Variants in LRRFIP2 observed in about 807,000 individuals in gnomAD.
LRRFIP2 encodes the protein LRR binding FLII interacting protein 2, also known as leucine-rich repeat flightless-interacting protein 2.
LRRFIP2 carries 109 observed loss-of-function variants against 125.9 expected under a neutral mutation model. That is an observed-to-expected ratio of 0.87 (90% confidence interval 0.74 to 1.01). The LOEUF (loss-of-function observed/expected upper bound fraction) is 1.01. Ranked by LOEUF, LRRFIP2 falls within the 50% of genes least tolerant of loss-of-function variation. The pLI is 0.00. For missense variants in LRRFIP2, 850 were observed against 862.3 expected, an observed-to-expected ratio of 0.99 and a Z score of 0.18; for synonymous variants, 291 against 293.1, an observed-to-expected ratio of 0.99 and a Z score of 0.07.
chr3:37,115,912 T>A (rs932566239), intron 6 of LRRFIP2, among the ~76,000 whole-genome samples: 1 of 152,196 alleles, frequency 6.6e-6, no homozygotes, highest in Non-Finnish European at 1.5e-5. Context: ...TTTTAAGCTG[T>A]CTACCCAGAA....
chr3:37,140,452 A>T (rs1027873289), intron 2 of LRRFIP2: 4 of 152,116 alleles, frequency 2.6e-5, no homozygotes, highest in African/African-American at 9.7e-5. Context: ...GTATTTATTT[A>T]TTGAGGCCGG....
chr3:37,066,470 A>G (rs1192951676), intron 21 of LRRFIP2, 145 bp from the exon 22 acceptor site: 1 of 669,602 alleles, frequency 1.5e-6, no homozygotes, highest in Non-Finnish European at 2.7e-6. Context: ...AAACAGTCAG[A>G]TATGGGAGGA....
At chr3:37,082,890 CAAT>C (rs1382222660) in intron 19 of LRRFIP2, among the ~76,000 whole-genome samples, 3 of 151,778 alleles carry the variant, frequency 2.0e-5, no homozygotes, top group Admixed American at 6.6e-5. Context: ...CTGTTTCTAA[CAAT>C]TTATCAATAT....
chr3:37,080,314 T>G (rs932552732), intron 19 of LRRFIP2, among the ~76,000 whole-genome samples: 4 of 151,940 alleles, frequency 2.6e-5, no homozygotes, highest in African/African-American at 9.7e-5. Flanking sequence ...GAGAATCACT[T>G]GAACCCGGGA....
At chr3:37,093,016 T>G (rs2093541049) in intron 17 of LRRFIP2, 1 of 152,272 alleles carries the variant, frequency 6.6e-6, no homozygotes, top group African/African-American at 2.4e-5. Context: ...TTTTTTGTAT[T>G]TTTAGTAGAG....
rs572096556 is a variant in LRRFIP2 at position 37,121,705 on chromosome 3, A to T, written c.229-14T>A. 1 of 1,613,362 alleles carries T rather than the reference A, an allele frequency of 6.2e-7. No homozygotes were observed. The highest frequency in any genetic ancestry group is 8.5e-7 in the Non-Finnish European group (1 of 1,179,372). ...TTCCGAATCTTCCTGGGAAAGGAGA[A>T]AGTACATGGAGAGTTAATCACTGAA... is the stretch of plus-strand genomic sequence containing the variant. On this transcript the variant is annotated splice_polypyrimidine_tract_variant and intron_variant, in intron 4 of 27. Transcript: ENST00000336686.
At chr3:37,139,069 T>C (rs546833895) in intron 2 of LRRFIP2, among the ~76,000 whole-genome samples, 2 of 152,210 alleles carry the variant, frequency 1.3e-5, no homozygotes, top group Non-Finnish European at 1.5e-5. Flanking sequence ...GTGGATACAC[T>C]AGACAAAGGG....
intron 23 of LRRFIP2, 79 bp from the exon 24 acceptor site, chr3:37,063,870 A>T: frequency 1.0e-6 from 1 of 953,730 alleles, no homozygotes. Context: ...TCAAACTCAT[A>T]AACAGCTAAT....
chr3:37,140,982 G>A (rs1337552686), intron 2 of LRRFIP2, among the ~76,000 whole-genome samples: 2 of 151,796 alleles, frequency 1.3e-5, no homozygotes, highest in African/African-American at 2.4e-5. Context: ...CAACAGCTTC[G>A]TGACCAGCCT....
chr3:37,142,991 T>C (rs1275403783), intron 2 of LRRFIP2, among the ~76,000 whole-genome samples: 1 of 152,112 alleles, frequency 6.6e-6, no homozygotes. Context: ...CGTGGTGCTT[T>C]CAACACAACA....
intron 1 of LRRFIP2, among the ~76,000 whole-genome samples, chr3:37,152,995 T>A (rs1218857304): frequency 2.6e-5 from 4 of 152,196 alleles, no homozygotes; most frequent in African/African-American, 9.7e-5. Flanking sequence ...AAAATAGATT[T>A]GGCTGGAAGT....
intron 18 of LRRFIP2, among the ~76,000 whole-genome samples, chr3:37,090,079 G>A (rs1487588137): frequency 6.6e-6 from 1 of 152,100 alleles, no homozygotes; most frequent in African/African-American, 2.4e-5. Flanking sequence ...TGATAGTGGC[G>A]CTACTTCAAA....
chr3:37,113,881 T>A lies in LRRFIP2; in HGVS notation c.373-901A>T, dbSNP rs138879129. Among the ~76,000 whole-genome samples the A allele has an allele frequency of 3.0e-3, 461 of 152,276 alleles. 3 individuals are homozygous for A. The highest frequency in any genetic ancestry group is 0.011 in the African/African-American group (438 of 41,550). On this transcript the variant is annotated intron_variant, in intron 7 of 27. Transcript: ENST00000336686. ...GATTGTCTCAATACCTAACTTTTCC[T>A]AGGAGTACACAGCCAAGTACATATG...
At chr3:37,115,957 G>T (rs1223247591) in intron 6 of LRRFIP2, among the ~76,000 whole-genome samples, 2 of 152,086 alleles carry the variant, frequency 1.3e-5, no homozygotes, top group Admixed American at 1.3e-4. Flanking sequence ...CAATGAACAA[G>T]TTCCTCAGGT....
intron 18 of LRRFIP2, among the ~76,000 whole-genome samples, chr3:37,085,905 A>G (rs2093013206): frequency 6.6e-6 from 1 of 152,168 alleles, no homozygotes; most frequent in African/African-American, 2.4e-5. Context: ...TTTATGCTGC[A>G]AATGATATGA....
intron 15 of LRRFIP2, among the ~76,000 whole-genome samples, chr3:37,100,317 CCTGT>C (rs773416346): frequency 6.8e-6 from 1 of 146,378 alleles, no homozygotes; most frequent in Non-Finnish European, 1.5e-5. Context: ...AGAGCGAGAC[CCTGT>C]CTCTTTAAAA....
At chr3:37,142,487 C>T (rs1239953074) in intron 2 of LRRFIP2, among the ~76,000 whole-genome samples, 1 of 152,028 alleles carries the variant, frequency 6.6e-6, no homozygotes, top group African/African-American at 2.4e-5. Flanking sequence ...ATACAAAATA[C>T]AAAATGAGAA....
chr3:37,075,025 T>C lies in LRRFIP2; in HGVS notation c.1370A>G (p.Glu457Gly). ...TATTCCCACAGTTCATGTACATACC[T>C]CAATAAGCTCATCTCTTTGCCGCAG... ...EGLRQRDELI[E>G]EKQRMQQKID... is the part of the protein sequence containing the mutation. The change falls in exon 20 of 28, where the codon GAG (glutamate) becomes GGG (glycine). Residue 457 changes from glutamate to glycine, a missense_variant and splice_region_variant. Glu to Gly is a moderately conservative substitution (Grantham distance 98, BLOSUM62 -2). Transcript: ENST00000336686. The C allele has an allele frequency of 1.2e-6, 2 of 1,607,540 alleles. No homozygotes were observed. The highest frequency in any genetic ancestry group is 1.1e-5 in the South Asian group (1 of 90,974).
At chr3:37,062,616 G>C (rs538742060) in intron 24 of LRRFIP2, among the ~76,000 whole-genome samples, 1 of 152,256 alleles carries the variant, frequency 6.6e-6, no homozygotes, top group South Asian at 2.1e-4. Flanking sequence ...GAAAAGATCA[G>C]AACTCAAAAT....
Sources: gnomAD v4.1 joint callset for allele counts (sites outside exome capture counted in the v4.1 genomes callset) on GRCh38, gnomAD v4.1.1 for gene constraint, MANE v1.5 for transcripts, NCBI Gene and HGNC (gene_info 2026-07-23, HGNC 2026-07-21) for gene names.